DEPTOR: variants seen among roughly 807,000 people sequenced by gnomAD.
DEPTOR encodes DEP domain containing MTOR interacting protein, also known as DEP domain-containing mTOR-interacting protein.
Under a neutral mutation model 41.6 loss-of-function variants are expected in DEPTOR, and 41 were observed. That is an observed-to-expected ratio of 0.98 (90% CI 0.77 to 1.28). The LOEUF is 1.28. DEPTOR is among the 50% of genes most tolerant of loss of function. DEPTOR has a pLI of 0.00. For missense variants in DEPTOR, 514 were observed against 527.9 expected (o/e 0.97, Z 0.26); for synonymous variants, 195 against 192.3 (o/e 1.01, Z -0.12).
chr8:119,947,725 C>T (rs774585425), intron 3 of DEPTOR, among the ~76,000 whole-genome samples: 1 of 152,050 alleles, frequency 6.6e-6, no homozygotes, highest in Non-Finnish European at 1.5e-5. Flanking sequence ...GCACTGTTGC[C>T]ATAATGAAAG....
chr8:119,874,852 G>T (rs987333089), intron 1 of DEPTOR, among the ~76,000 whole-genome samples: 4 of 152,086 alleles, frequency 2.6e-5, no homozygotes, highest in African/African-American at 9.7e-5. Flanking sequence ...CCCTTCGTGT[G>T]GTTATAAATC....
At chr8:120,027,134 C>G (rs1393495840) in intron 8 of DEPTOR, among the ~76,000 whole-genome samples, 1 of 151,714 alleles carries the variant, frequency 6.6e-6, no homozygotes, top group East Asian at 1.9e-4. Context: ...AGGAGAATCA[C>G]TTGAACCCGG....
intron 3 of DEPTOR, among the ~76,000 whole-genome samples, chr8:119,946,059 G>A (rs1828268188): frequency 6.6e-6 from 1 of 152,034 alleles, no homozygotes; most frequent in Non-Finnish European, 1.5e-5. Flanking sequence ...GATTCCAAGG[G>A]GTGTAGTTGC....
chr8:119,876,622 A>G (rs1827234269), intron 1 of DEPTOR, among the ~76,000 whole-genome samples: 1 of 149,374 alleles, frequency 6.7e-6, no homozygotes, highest in South Asian at 2.2e-4. Context: ...TGGGCAACAG[A>G]GTGAGCCTCC....
intron 8 of DEPTOR, among the ~76,000 whole-genome samples, chr8:120,033,755 G>T (rs777256103): frequency 2.1e-4 from 32 of 152,098 alleles, no homozygotes; most frequent in Non-Finnish European, 4.1e-4. Flanking sequence ...TAATTGCCAG[G>T]CAAGGATTTA....
chr8:120,034,294 C>CACACACACACAA (rs1679807661), intron 8 of DEPTOR, among the ~76,000 whole-genome samples: 1 of 140,174 alleles, frequency 7.1e-6, no homozygotes, highest in African/African-American at 2.6e-5. Context: ...CACACACACA[C>CACACACACACAA]ACACATTGTA....
chr8:119,910,192 G>A (rs1286873958), intron 1 of DEPTOR, among the ~76,000 whole-genome samples: 1 of 152,210 alleles, frequency 6.6e-6, no homozygotes, highest in African/African-American at 2.4e-5. Context: ...TTGACTCTAA[G>A]TATATAGAAC....
At chr8:120,044,942 A>T (rs1813132481) in intron 8 of DEPTOR, among the ~76,000 whole-genome samples, 1 of 152,204 alleles carries the variant, frequency 6.6e-6, no homozygotes, top group South Asian at 2.1e-4. Flanking sequence ...CAGTTTTTGC[A>T]ATTAAAAGTT....
At chr8:119,914,682 C>T (rs1452274280) in intron 1 of DEPTOR, among the ~76,000 whole-genome samples, 3 of 152,070 alleles carry the variant, frequency 2.0e-5, no homozygotes, top group Non-Finnish European at 2.9e-5. Flanking sequence ...TCAGGTGATC[C>T]GCCTGCCTGG....
At chr8:120,044,113 A>G (rs1813120361) in intron 8 of DEPTOR, among the ~76,000 whole-genome samples, 1 of 151,830 alleles carries the variant, frequency 6.6e-6, no homozygotes, top group African/African-American at 2.4e-5. Context: ...AAAGATATTA[A>G]GTATGTAAAA....
Position 119,982,414 on chromosome 8 carries a change from C to T in DEPTOR, c.604+17004C>T, listed in dbSNP as rs549384970. The stretch of plus-strand genomic sequence containing the variant: ...TCAAAGAGATAGAAAGTGTTTGTTT[C>T]CTAAGCTTTTGATCTTATGTCTCTA... On this transcript the variant is annotated intron_variant, in intron 4 of 8. Coordinates refer to ENST00000286234, the MANE Select transcript of DEPTOR (RefSeq NM_022783.4). Among the ~76,000 whole-genome samples, 9 of 152,282 alleles carry T rather than the reference C, an allele frequency of 5.9e-5. No homozygotes were observed. The South Asian group carries it at 1.9e-3, about 32-fold the overall frequency.
At chr8:119,952,355 C>A (rs61018429) in intron 3 of DEPTOR, among the ~76,000 whole-genome samples, 1 of 152,092 alleles carries the variant, frequency 6.6e-6, no homozygotes, top group Non-Finnish European at 1.5e-5. Context: ...CTGGTGCAGC[C>A]CCTCACCTCC....
At chr8:120,005,927 C>T (rs2130093785) in intron 6 of DEPTOR, among the ~76,000 whole-genome samples, 1 of 152,066 alleles carries the variant, frequency 6.6e-6, no homozygotes, top group East Asian at 1.9e-4. Context: ...ACAGCATGGC[C>T]CAGAGTAAAT....
chr8:120,016,947 A>G (rs78732921), intron 8 of DEPTOR, among the ~76,000 whole-genome samples: 519 of 152,276 alleles, frequency 3.4e-3, no homozygotes, highest in African/African-American at 0.012. Flanking sequence ...TCAAACGTTC[A>G]GTCTGTAACA....
chr8:120,023,892 C>T (rs1240228949), intron 8 of DEPTOR, among the ~76,000 whole-genome samples: 1 of 151,110 alleles, frequency 6.6e-6, no homozygotes, highest in African/African-American at 2.4e-5. Flanking sequence ...GGTTTGCATT[C>T]TAGCCACCCA....
chr8:119,934,930 G>A (rs1233237074), intron 3 of DEPTOR, among the ~76,000 whole-genome samples: 1 of 152,178 alleles, frequency 6.6e-6, no homozygotes, highest in African/African-American at 2.4e-5. Context: ...TATGCACACA[G>A]GACAGGGCCC....
chr8:119,974,235 TAAA>T (rs35885551), intron 4 of DEPTOR, among the ~76,000 whole-genome samples: 249 of 74,898 alleles, frequency 3.3e-3, no homozygotes, highest in African/African-American at 9.1e-3. Flanking sequence ...CTTGTCTCTT[TAAA>T]AAAAAAAAAA....
At chr8:120,001,844 A>G in intron 5 of DEPTOR, 134 bp downstream of exon 5, 1 of 1,125,518 alleles carries the variant, frequency 8.9e-7, no homozygotes, top group Non-Finnish European at 1.2e-6. Flanking sequence ...AAGAAGCATG[A>G]AAAAAATTCT....
chr8:119,888,055 A>G (rs1346059093), intron 1 of DEPTOR, among the ~76,000 whole-genome samples: 1 of 152,130 alleles, frequency 6.6e-6, no homozygotes, highest in Non-Finnish European at 1.5e-5. Context: ...TCCTGGGCTC[A>G]AGTAATCTTC....
Sources: gnomAD v4.1 joint callset for allele counts (sites outside exome capture counted in the v4.1 genomes callset) on GRCh38, gnomAD v4.1.1 for gene constraint, MANE v1.5 for transcripts, NCBI Gene and HGNC (gene_info 2026-07-23, HGNC 2026-07-21) for gene names.